Variants in PDE4D observed in about 807,000 individuals in gnomAD.
PDE4D encodes the protein phosphodiesterase 4D, also known as 3',5'-cyclic-AMP phosphodiesterase 4D.
A neutral mutation model predicts 87.4 loss-of-function variants in PDE4D; 24 were observed. The ratio of observed to expected loss-of-function variants is 0.27; its 90% CI spans 0.20 to 0.39. The LOEUF is 0.39. Ranked by LOEUF, PDE4D falls within the 10% of genes least tolerant of loss-of-function variation. The probability of loss-of-function intolerance (pLI) is 1.00; values close to 1 mark genes in which losing one functional copy is unlikely to be tolerated. For missense variants in PDE4D, 714 were observed against 1,041.0 expected (o/e 0.69, Z 4.32); for synonymous variants, 384 against 383.2 (o/e 1.00, Z -0.02).
chr5:59,024,722 C>A (rs888536616), intron 6 of PDE4D, among the ~76,000 whole-genome samples: 1 of 152,116 alleles, frequency 6.6e-6, no homozygotes, highest in Non-Finnish European at 1.5e-5. Context: ...AATAAACAGA[C>A]ATATTTCTAG....
intron 2 of PDE4D, among the ~76,000 whole-genome samples, chr5:60,048,153 T>G (rs910580502): frequency 1.3e-5 from 2 of 152,024 alleles, no homozygotes; most frequent in Non-Finnish European, 2.9e-5. Context: ...CTTTGTTGGT[T>G]TAAAGTCTGT....
At chr5:59,981,809 A>G (rs925798652) in intron 3 of PDE4D, among the ~76,000 whole-genome samples, 3 of 152,200 alleles carry the variant, frequency 2.0e-5, no homozygotes, top group African/African-American at 7.2e-5. Context: ...AAAAGGCCAA[A>G]TTTGAAAGAT....
intron 1 of PDE4D, among the ~76,000 whole-genome samples, chr5:60,326,694 T>G (rs2149855468): frequency 6.6e-6 from 1 of 152,274 alleles, no homozygotes; most frequent in African/African-American, 2.4e-5. Flanking sequence ...ACAGAGCTAT[T>G]CGCTCACTGA....
chr5:59,407,810 G>C (rs1399271510), intron 1 of PDE4D, among the ~76,000 whole-genome samples: 3 of 152,274 alleles, frequency 2.0e-5, no homozygotes, highest in East Asian at 1.9e-4. Context: ...TAGGGTATCT[G>C]GCAGAAGACA....
chr5:59,743,992 A>G (rs752697106), intron 1 of PDE4D, among the ~76,000 whole-genome samples: 10 of 152,148 alleles, frequency 6.6e-5, no homozygotes, highest in Non-Finnish European at 1.2e-4. Context: ...AGATCCATAG[A>G]TAGAATGCAG....
At chr5:59,671,571 A>G (rs1333533282) in intron 1 of PDE4D, among the ~76,000 whole-genome samples, 2 of 152,052 alleles carry the variant, frequency 1.3e-5, no homozygotes, top group African/African-American at 4.8e-5. Flanking sequence ...ACTTCGGGAG[A>G]TGGAGGCAGA....
At chr5:59,017,502 T>G (rs1392066928) in intron 6 of PDE4D, among the ~76,000 whole-genome samples, 1 of 152,142 alleles carries the variant, frequency 6.6e-6, no homozygotes, top group African/African-American at 2.4e-5. Context: ...ACATGAAGTT[T>G]TGGATTTCTT....
chr5:59,873,662 T>C (rs1254349293), intron 1 of PDE4D, among the ~76,000 whole-genome samples: 1 of 152,210 alleles, frequency 6.6e-6, no homozygotes, highest in African/African-American at 2.4e-5. Context: ...TAATAAATCA[T>C]ACATGTCTCT....
chr5:59,925,614 C>T (rs1755168844), intron 3 of PDE4D, among the ~76,000 whole-genome samples: 1 of 151,994 alleles, frequency 6.6e-6, no homozygotes, highest in Non-Finnish European at 1.5e-5. Flanking sequence ...CTGTTGCCTA[C>T]AAGAAATGCA....
chr5:60,115,754 G>A (rs962558051), intron 2 of PDE4D, among the ~76,000 whole-genome samples: 41 of 151,986 alleles, frequency 2.7e-4, no homozygotes, highest in African/African-American at 8.0e-4. Context: ...AAGGGTACTA[G>A]GTAGACACAA....
intron 5 of PDE4D, among the ~76,000 whole-genome samples, chr5:59,165,448 G>T (rs1343457745): frequency 6.6e-6 from 1 of 151,592 alleles, no homozygotes; most frequent in East Asian, 1.9e-4. Flanking sequence ...TAATTTTTTT[G>T]TGTTTTTAGT....
At chr5:59,230,243 G>T (rs1177635252) in intron 1 of PDE4D, among the ~76,000 whole-genome samples, 3 of 151,052 alleles carry the variant, frequency 2.0e-5, no homozygotes, top group East Asian at 1.9e-4. Context: ...AATTTCTCTT[G>T]TTAGTTGCAC....
At chr5:59,968,398 A>G (rs901816365) in intron 3 of PDE4D, among the ~76,000 whole-genome samples, 1 of 152,126 alleles carries the variant, frequency 6.6e-6, no homozygotes, top group African/African-American at 2.4e-5. Context: ...ATGTATAAAT[A>G]TGGGAACAAT....
chr5:59,718,904 TTTTTGAAAAAGTTCTCAGATCC>T (rs1298427424), intron 1 of PDE4D, among the ~76,000 whole-genome samples: 1 of 152,078 alleles, frequency 6.6e-6, no homozygotes, highest in African/African-American at 2.4e-5. Flanking sequence ...GAATAAATTT[TTTTTGAAAAAGTTCTCAGATCC>T]TTTTGAAAGG....
intron 1 of PDE4D, among the ~76,000 whole-genome samples, chr5:59,400,961 A>G (rs1790501628): frequency 6.6e-6 from 1 of 152,230 alleles, no homozygotes; most frequent in Non-Finnish European, 1.5e-5. Flanking sequence ...CCAAAAACCT[A>G]AAATTCAAGA....
intron 1 of PDE4D, among the ~76,000 whole-genome samples, chr5:59,616,335 T>C (rs552457833): frequency 6.6e-6 from 1 of 152,214 alleles, no homozygotes; most frequent in Non-Finnish European, 1.5e-5. Flanking sequence ...TATTTCACTT[T>C]ATGTACATGA....
At chr5:60,045,900 A>G (rs1769178667) in intron 2 of PDE4D, among the ~76,000 whole-genome samples, 2 of 152,166 alleles carry the variant, frequency 1.3e-5, no homozygotes, top group Non-Finnish European at 2.9e-5. Flanking sequence ...AATTCTGTGA[A>G]GAAAGTCATT....
intron 1 of PDE4D, chr5:59,529,276 G>T: frequency 2.6e-6 from 1 of 385,886 alleles, no homozygotes; most frequent in South Asian, 2.5e-5. Flanking sequence ...ATGACTATAA[G>T]GATCTTGCTT....
intron 3 of PDE4D, among the ~76,000 whole-genome samples, chr5:59,950,555 G>A (rs1758189137): frequency 6.6e-6 from 1 of 151,954 alleles, no homozygotes; most frequent in Non-Finnish European, 1.5e-5. Context: ...TGGATGAATA[G>A]ACAGATATAC....
Sources: allele counts gnomAD v4.1 joint callset (sites outside exome capture counted in the v4.1 genomes callset), GRCh38; gene constraint gnomAD v4.1.1; transcripts MANE v1.5; gene names NCBI Gene and HGNC (gene_info 2026-07-23, HGNC 2026-07-21).